Variants in CTTNBP2NL observed in about 807,000 individuals in gnomAD.
CTTNBP2NL encodes CTTNBP2 N-terminal-like protein.
CTTNBP2NL carries 16 observed loss-of-function variants against 32.5 expected under a neutral mutation model. That is an observed-to-expected ratio of 0.49 (90% CI 0.33 to 0.75). The LOEUF (loss-of-function observed/expected upper bound fraction) is 0.75, where lower values mean the gene tolerates loss of function less well. CTTNBP2NL is among the 30% of genes least tolerant of loss of function. CTTNBP2NL has a pLI of 0.02. For missense variants in CTTNBP2NL, 645 were observed against 756.0 expected, an observed-to-expected ratio of 0.85 and a Z score of 1.72; for synonymous variants, 298 against 289.4, an observed-to-expected ratio of 1.03 and a Z score of -0.30.
intron 3 of CTTNBP2NL, among the ~76,000 whole-genome samples, chr1:112,425,758 G>A (rs1374865571): frequency 1.3e-5 from 2 of 151,956 alleles, no homozygotes. Context: ...GGCTACTAGG[G>A]AGGCTGAGGT....
intron 5 of CTTNBP2NL, among the ~76,000 whole-genome samples, chr1:112,455,379 A>T (rs1650333178): frequency 6.6e-6 from 1 of 152,034 alleles, no homozygotes; most frequent in South Asian, 2.1e-4. Flanking sequence ...GTGGCGCATG[A>T]CTGATCCCAG....
Position 112,436,546 on chromosome 1 carries a change from C to T in CTTNBP2NL, c.100-12396C>T, listed in dbSNP as rs77903534. ...TTTTTTTTCTTAGAGACAGGTCTCA[C>T]TGTGTTGCCCAGGCTGGTCTCACAC... On this transcript the variant is annotated intron_variant, in intron 3 of 5. Coordinates refer to ENST00000271277, the MANE Select transcript of CTTNBP2NL (RefSeq NM_018704.3). Among the ~76,000 whole-genome samples the T allele has an allele frequency of 3.9e-3, 598 of 152,254 alleles. 5 individuals are homozygous for T. Among genetic ancestry groups the T allele is most frequent in the African/African-American group, 0.014 (563 of 41,550 alleles).
intron 3 of CTTNBP2NL, among the ~76,000 whole-genome samples, chr1:112,422,071 A>T (rs1649248652): frequency 1.3e-5 from 2 of 152,184 alleles, no homozygotes; most frequent in South Asian, 4.1e-4. Flanking sequence ...CACAATCAAG[A>T]TAACAAACAT....
intron 3 of CTTNBP2NL, among the ~76,000 whole-genome samples, chr1:112,434,198 G>A (rs1649660391): frequency 6.6e-6 from 1 of 152,152 alleles, no homozygotes; most frequent in African/African-American, 2.4e-5. Flanking sequence ...TCTATGGGTT[G>A]TTAACACCCA....
intron 3 of CTTNBP2NL, among the ~76,000 whole-genome samples, chr1:112,424,090 TC>T (rs1323142473): frequency 2.6e-5 from 4 of 152,216 alleles, no homozygotes; most frequent in African/African-American, 9.6e-5. Flanking sequence ...TAAACCAAGG[TC>T]AGAAAGGTTT....
intron 1 of CTTNBP2NL, among the ~76,000 whole-genome samples, chr1:112,406,539 T>G (rs1396419201): frequency 6.6e-6 from 1 of 152,144 alleles, no homozygotes. Context: ...TAATGATGAA[T>G]TTGTTGGGGA....
intron 3 of CTTNBP2NL, 161 bp downstream of exon 3, chr1:112,416,425 G>A (rs1419052090): frequency 1.9e-6 from 1 of 529,940 alleles, no homozygotes; most frequent in African/African-American, 2.0e-5. Context: ...GTGTTATTAG[G>A]GACACTGGTG....
At chr1:112,419,744 A>T (rs1649167195) in intron 3 of CTTNBP2NL, among the ~76,000 whole-genome samples, 1 of 152,200 alleles carries the variant, frequency 6.6e-6, no homozygotes, top group Admixed American at 6.5e-5. Flanking sequence ...TTTTTTAAAA[A>T]AATCAGATAT....
intron 1 of CTTNBP2NL, among the ~76,000 whole-genome samples, chr1:112,408,327 G>T (rs1174566117): frequency 7.0e-6 from 1 of 142,802 alleles, no homozygotes; most frequent in African/African-American, 2.7e-5. Context: ...ACAGGCATAT[G>T]CCACTGCACC....
At chr1:112,444,661 ATTTAC>A (rs1361437239) in intron 3 of CTTNBP2NL, among the ~76,000 whole-genome samples, 14 of 152,278 alleles carry the variant, frequency 9.2e-5, no homozygotes, top group Admixed American at 1.3e-4. Context: ...ATAAAATTGA[ATTTAC>A]TTTATTTTTA....
intron 3 of CTTNBP2NL, among the ~76,000 whole-genome samples, chr1:112,429,659 T>A (rs944468940): frequency 6.6e-6 from 1 of 152,214 alleles, no homozygotes; most frequent in Non-Finnish European, 1.5e-5. Context: ...AAGATACCCA[T>A]TGCAGCATAA....
At chr1:112,438,965 G>A (rs1237279282) in intron 3 of CTTNBP2NL, among the ~76,000 whole-genome samples, 2 of 152,084 alleles carry the variant, frequency 1.3e-5, no homozygotes, top group African/African-American at 2.4e-5. Flanking sequence ...CTTAATTTGA[G>A]TCCCAATCTA....
Position 112,400,349 on chromosome 1 carries a change from G to A in CTTNBP2NL, c.-134+4077G>A, listed in dbSNP as rs140518969. 5.9e-5 allele frequency among the ~76,000 whole-genome samples: 9 copies of A among 152,264 alleles called. No homozygotes were observed. In the East Asian group the frequency reaches 1.7e-3, roughly 30 times the overall value. On this transcript the variant is annotated intron_variant, in intron 1 of 5. Coordinates refer to ENST00000271277, the MANE Select transcript of CTTNBP2NL (RefSeq NM_018704.3). Reference sequence around the variant, plus strand: ...CTCAGCTGTGAGATAGAAATAACTTGGAGAGGTTTCTTTAAGGATTACACG... The same window carrying A: ...CTCAGCTGTGAGATAGAAATAACTTAGAGAGGTTTCTTTAAGGATTACACG...
At chr1:112,408,988 C>T (rs571124991) in intron 1 of CTTNBP2NL, among the ~76,000 whole-genome samples, 3 of 152,076 alleles carry the variant, frequency 2.0e-5, no homozygotes, top group South Asian at 4.1e-4. Flanking sequence ...ACTAGCCAGG[C>T]GTGGTAGCAC....
intron 1 of CTTNBP2NL, among the ~76,000 whole-genome samples, chr1:112,399,832 A>G (rs926447142): frequency 1.3e-5 from 2 of 151,998 alleles, no homozygotes; most frequent in Admixed American, 6.6e-5. Flanking sequence ...ACGTTGGGAC[A>G]TTGAGGCAGG....
In CTTNBP2NL at chr1:112,454,461, C is replaced by T; in HGVS notation, c.343C>T (p.Leu115Phe). ...ESRHRKVILD[L>F]EEERQRHAQD... is the part of the protein sequence containing the mutation. Reference sequence around the variant, plus strand: ...AAATTCTTTAAAGGTGATCCTAGACCTTGAGGAAGAAAGGCAGCGGCATGC... The same window carrying T: ...AAATTCTTTAAAGGTGATCCTAGACTTTGAGGAAGAAAGGCAGCGGCATGC... Residue 115 changes from leucine (L) to phenylalanine (F), a missense_variant, in exon 5 of 6, where the codon CTT (leucine) becomes TTT (phenylalanine). Physicochemically the swap from Leu to Phe is conservative, Grantham distance 22. Transcript: ENST00000271277. The T allele has an allele frequency of 6.2e-7, 1 of 1,613,094 alleles. No homozygotes were observed. The highest frequency in any genetic ancestry group is 8.5e-7 in the Non-Finnish European group (1 of 1,179,232).
chr1:112,394,475 T>A (rs955449238), upstream of CTTNBP2NL, among the ~76,000 whole-genome samples: 10 of 152,224 alleles, frequency 6.6e-5, no homozygotes, highest in African/African-American at 2.2e-4. Flanking sequence ...TCAATATTTA[T>A]TGAGTACCTA....
intron 1 of CTTNBP2NL, 162 bp downstream of exon 1, chr1:112,396,434 C>G (rs1244781118): frequency 6.6e-6 from 1 of 152,248 alleles, no homozygotes; most frequent in African/African-American, 2.4e-5. Flanking sequence ...CGGTATTCCC[C>G]GAGGAGGCGG....
intron 1 of CTTNBP2NL, among the ~76,000 whole-genome samples, chr1:112,404,781 G>A (rs1280745865): frequency 1.3e-5 from 2 of 152,230 alleles, no homozygotes; most frequent in East Asian, 3.9e-4. Flanking sequence ...GCCGGGTGCA[G>A]TGGCTCACGC....
Sources: gnomAD v4.1 joint callset for allele counts (sites outside exome capture counted in the v4.1 genomes callset) on GRCh38, gnomAD v4.1.1 for gene constraint, MANE v1.5 for transcripts, NCBI Gene and HGNC (gene_info 2026-07-23, HGNC 2026-07-21) for gene names.